Variants in SLC27A4 observed in about 807,000 individuals in gnomAD.
SLC27A4 encodes the protein long-chain fatty acid transport protein 4.
Under a neutral mutation model 64.4 loss-of-function variants are expected in SLC27A4, and 33 were observed. The observed-to-expected ratio is 0.51, with a 90% CI of 0.39 to 0.68. The LOEUF (loss-of-function observed/expected upper bound fraction) is 0.68. SLC27A4 is among the 30% of genes least tolerant of loss of function. SLC27A4 has a pLI of 0.00. For missense variants in SLC27A4, 824 were observed against 883.5 expected (o/e 0.93, Z 0.85); for synonymous variants, 377 against 370.0 (o/e 1.02, Z -0.22).
chr9:128,353,345 C>T lies in SLC27A4; in HGVS notation c.1198-70C>T, dbSNP rs1223227834. ...CGTGAGAGTGTGGGTGCTGGAGTCCCACTTCCCCCTCATTGTCCAGTTTTG... is the reference window on the plus strand; with the variant it reads ...CGTGAGAGTGTGGGTGCTGGAGTCCTACTTCCCCCTCATTGTCCAGTTTTG... On this transcript the variant is annotated intron_variant, in intron 8 of 12. Transcript: ENST00000300456. The surrounding 1 kb of genome is among the most constrained non-coding windows in gnomAD (Gnocchi z 4.9). 4 of 1,612,892 alleles carry T rather than the reference C, an allele frequency of 2.5e-6. No homozygotes were observed. Among genetic ancestry groups the T allele is most frequent in the African/African-American group, 2.7e-5 (2 of 74,888 alleles).
In SLC27A4 at chr9:128,340,577, G is replaced by C. The variant is rs1372068459; in HGVS notation, c.-268G>C. The C allele has an allele frequency of 1.3e-5, 3 of 225,358 alleles. No homozygotes were observed. Among genetic ancestry groups the C allele is most frequent in the Admixed American group, 5.8e-5 (1 of 17,360 alleles). The allele number at this position is 225,358 out of a possible 1,614,324, so 14.0% of individuals were successfully genotyped here. ...GCCGGCTCTGTGGCTTGCCGGCTTCGGGGAAGGTGCGGCAGGCGGTGCTGC... is the reference window on the plus strand; with the variant it reads ...GCCGGCTCTGTGGCTTGCCGGCTTCCGGGAAGGTGCGGCAGGCGGTGCTGC... On this transcript the variant is annotated 5_prime_UTR_variant, in exon 1 of 13. Coordinates refer to ENST00000300456, the MANE Select transcript of SLC27A4 (RefSeq NM_005094.4).
intron 1 of SLC27A4, 136 bp from the exon 2 acceptor site, chr9:128,342,991 A>G: frequency 8.8e-7 from 1 of 1,133,592 alleles, no homozygotes; most frequent in Non-Finnish European, 1.3e-6. Context: ...CCCTGTGGTC[A>G]GTCACCCAAC....
Position 128,340,599 on chromosome 9 carries a change from C to T in SLC27A4, c.-246C>T. The T allele has an allele frequency of 4.0e-6, 1 of 250,332 alleles. No homozygotes were observed. Among genetic ancestry groups the T allele is most frequent in the Non-Finnish European group, 7.4e-6 (1 of 136,034 alleles). 15.5% of individuals were successfully genotyped at this position (250,332 alleles called of 1,614,324 possible). A position where few individuals can be genotyped will look rare whatever the true frequency, so the allele number is the denominator to read the frequency against. On this transcript the variant is annotated 5_prime_UTR_variant, in exon 1 of 13. Transcript: ENST00000300456. ...TTCGGGGAAGGTGCGGCAGGCGGTGCTGCGGCCTGGCACAGCAGGTTTGGG... is the reference window on the plus strand; with the variant it reads ...TTCGGGGAAGGTGCGGCAGGCGGTGTTGCGGCCTGGCACAGCAGGTTTGGG...
chr9:128,353,194 C>T lies in SLC27A4; in HGVS notation c.1157C>T (p.Ala386Val). The change falls in exon 8 of 13, where the codon GCC (alanine) becomes GTC (valine). Residue 386 changes from alanine (A) to valine (V), a missense_variant. Physicochemically the swap from Ala to Val is moderately conservative, Grantham distance 64 (BLOSUM62 0). Transcript: ENST00000300456. The surrounding 1 kb of genome is among the most constrained non-coding windows in gnomAD (Gnocchi z 4.9). Reference sequence around the variant, plus strand: ...CCCCAGGTGGCTGAGTTCTACGGGGCCACAGAGTGCAACTGTAGCCTGGGC... The same window carrying T: ...CCCCAGGTGGCTGAGTTCTACGGGGTCACAGAGTGCAACTGTAGCCTGGGC... ...HIPQVAEFYG[A>V]TECNCSLGNF... 1 of 1,614,140 alleles carries T rather than the reference C, an allele frequency of 6.2e-7. No individual in the cohort carries two copies. Among genetic ancestry groups the T allele is most frequent in the Non-Finnish European group, 8.5e-7 (1 of 1,180,034 alleles).
Position 128,350,560 on chromosome 9 carries a change from C to A in SLC27A4, c.862C>A (p.Leu288Ile). ...CGACATCGTCTATGACTGCCTCCCC[C>A]TCTACCACTCAGCAGGTAACTCTAG... Reference protein sequence around the residue: ...PNDIVYDCLPLYHSAGNIVGI... With the variant: ...PNDIVYDCLPIYHSAGNIVGI... The change falls in exon 6 of 13, where the codon CTC becomes ATC. Residue 288 changes from leucine (L) to isoleucine (I), a missense_variant. Leu to Ile is a conservative substitution (Grantham distance 5, BLOSUM62 2). Transcript: ENST00000300456. The A allele has an allele frequency of 1.2e-6, 2 of 1,612,998 alleles. No homozygotes were observed. Among genetic ancestry groups the A allele is most frequent in the South Asian group, 2.2e-5 (2 of 90,876 alleles).
rs1400883465 is a variant in SLC27A4 at position 128,345,498 on chromosome 9, C to T, written c.505C>T (p.Leu169Phe). Reference sequence around the variant, plus strand: ...GCGGCGGGATGCTCTGCTCCACTGCCTCACCACCTCGCGCGCACGGGCCCT... The same window carrying T: ...GCGGCGGGATGCTCTGCTCCACTGCTTCACCACCTCGCGCGCACGGGCCCT... The part of the protein sequence containing the change: ...NLRRDALLHC[L>F]TTSRARALVF... The change falls in exon 3 of 13, where the codon CTC becomes TTC. Residue 169 changes from leucine to phenylalanine, a missense_variant. By Grantham distance (22) the Leu-to-Phe change is conservative. Coordinates refer to ENST00000300456, the MANE Select transcript of SLC27A4 (RefSeq NM_005094.4). This position sits in a 1 kb window ranked among gnomAD's most constrained non-coding sequence, Gnocchi z 4.1. 6.2e-7 allele frequency: 1 copy of T among 1,611,436 alleles called. No homozygotes were observed. The highest frequency in any genetic ancestry group is 1.7e-5 in the Admixed American group (1 of 59,870).
At chr9:128,340,923 G>A (rs1007131332) in intron 1 of SLC27A4, 85 bp downstream of exon 1, 6 of 494,862 alleles carry the variant, frequency 1.2e-5, no homozygotes, top group African/African-American at 2.0e-5. Context: ...GACCCCAGGT[G>A]GGGGGCGCGC....
intron 7 of SLC27A4, 132 bp downstream of exon 7, chr9:128,352,879 T>TC: frequency 9.4e-7 from 1 of 1,060,628 alleles, no homozygotes; most frequent in Non-Finnish European, 1.4e-6. Context: ...AAAGTTCCCA[T>TC]TGTTCAGATG....
chr9:128,353,076 C>G lies in SLC27A4; in HGVS notation c.1039C>G (p.Arg347Gly). The G allele has an allele frequency of 2.5e-6, 4 of 1,614,100 alleles. No homozygotes were observed. The highest frequency in any genetic ancestry group is 3.4e-6 in the Non-Finnish European group (4 of 1,179,992). ...LCRYLLNQPP[R>G]EAENQHQVRM... ...CCGCTACCTCCTGAACCAGCCACCG[C>G]GGGAGGCAGAAAACCAGCACCAGGT... The change falls in exon 8 of 13, where the codon CGG becomes GGG. Residue 347 changes from arginine (R) to glycine (G), a missense_variant. By Grantham distance (125) the Arg-to-Gly change is moderately radical. Transcript: ENST00000300456. The surrounding 1 kb of genome is among the most constrained non-coding windows in gnomAD (Gnocchi z 4.9).
rs17848330 is a variant in SLC27A4, at chr9:128,350,500, G to T, written c.802G>T (p.Ala268Ser). The change falls in exon 6 of 13, where the codon GCC becomes TCC. Residue 268 changes from alanine to serine, a missense_variant. By Grantham distance (99) the Ala-to-Ser change is moderately conservative. Coordinates refer to ENST00000300456, the MANE Select transcript of SLC27A4 (RefSeq NM_005094.4). ...CCTTCCCAGGTATTACCGCATGGCT[G>T]CCCTGGTGTACTATGGATTCCGCAT... is the stretch of plus-strand genomic sequence containing the variant. ...VVHSRYYRMA[A>S]LVYYGFRMRP... The T allele has an allele frequency of 3.7e-6, 6 of 1,614,050 alleles. No individual in the cohort carries two copies. In the African/African-American group the frequency reaches 6.7e-5, roughly 18 times the overall value.
At chr9:128,357,749 TC>T (rs1360686542) in intron 12 of SLC27A4, among the ~76,000 whole-genome samples, 1 of 152,214 alleles carries the variant, frequency 6.6e-6, no homozygotes, top group African/African-American at 2.4e-5. Flanking sequence ...TTCTGGGCCC[TC>T]CCTGGCTGCT....
rs1357101933 is a variant in SLC27A4, at chr9:128,358,766, T to C, written c.1775-1568T>C. On this transcript the variant is annotated intron_variant, in intron 12 of 12. Coordinates refer to ENST00000300456, the MANE Select transcript of SLC27A4 (RefSeq NM_005094.4). ...CTGGCCTTGTTTAATAATTTAAATG[T>C]AAATAGCCACATGAGGTCATATTGG... 2.0e-5 allele frequency among the ~76,000 whole-genome samples: 3 copies of C among 152,294 alleles called. No homozygotes were observed. The East Asian group carries it at 5.8e-4, about 29-fold the overall frequency.
chr9:128,360,186 G>C lies in SLC27A4; in HGVS notation c.1775-148G>C, dbSNP rs539886651. 1.1e-5 allele frequency: 10 copies of C among 909,632 alleles called. No homozygotes were observed. The East Asian group carries it at 2.5e-4, about 22-fold the overall frequency. 56.3% of individuals were successfully genotyped at this position (909,632 alleles called of 1,614,324 possible). ...CACAGCTGCTGTATGACCATTCTTTGCAAACTGTAAAGGGCTGTGCCTCCT... is the reference window on the plus strand; with the variant it reads ...CACAGCTGCTGTATGACCATTCTTTCCAAACTGTAAAGGGCTGTGCCTCCT... On this transcript the variant is annotated intron_variant, in intron 12 of 12. Transcript: ENST00000300456.
intron 3 of SLC27A4, among the ~76,000 whole-genome samples, chr9:128,346,007 C>T (rs551251140): frequency 4.0e-5 from 6 of 151,674 alleles, no homozygotes; most frequent in Admixed American, 1.3e-4. Flanking sequence ...CTCAAGCAGT[C>T]CCTCCACCTC....
intron 2 of SLC27A4, among the ~76,000 whole-genome samples, chr9:128,343,768 C>T (rs1278741641): frequency 6.6e-6 from 1 of 152,182 alleles, no homozygotes; most frequent in Non-Finnish European, 1.5e-5. Flanking sequence ...CAAGGGACAT[C>T]CTGTACCAGA....
At chr9:128,356,910 G>A (rs1395403638) in intron 12 of SLC27A4, among the ~76,000 whole-genome samples, 1 of 152,112 alleles carries the variant, frequency 6.6e-6, no homozygotes, top group Admixed American at 6.6e-5. Context: ...AGGGCAACAT[G>A]ATGAAACCCC....
intron 4 of SLC27A4, among the ~76,000 whole-genome samples, chr9:128,349,565 G>A (rs1458140523): frequency 1.3e-5 from 2 of 152,156 alleles, no homozygotes; most frequent in Non-Finnish European, 2.9e-5. Flanking sequence ...GGGTGCATTT[G>A]TCAGCTGCTT....
At position 128,353,429 on chromosome 9, in the gene SLC27A4, T is replaced by G. The variant is rs776774693; in HGVS notation, c.1212T>G (p.Gly404=). The G allele has an allele frequency of 3.1e-6, 5 of 1,614,100 alleles. No individual in the cohort carries two copies. The highest frequency in any genetic ancestry group is 4.2e-6 in the Non-Finnish European group (5 of 1,180,020). The part of the protein sequence containing the change: ...GNFDSQVGAC[G]FNSRILSFVY... ...GGCCTTCGCAGGTGGGGGCCTGTGG[T>G]TTCAATAGCCGCATCCTGTCCTTCG... Residue 404 remains glycine (G), a synonymous_variant, in exon 9 of 13, where the codon GGT becomes GGG. Transcript: ENST00000300456. The surrounding 1 kb of genome is among the most constrained non-coding windows in gnomAD (Gnocchi z 4.9).
Position 128,353,356 on chromosome 9 carries a change from CATT to C in SLC27A4, c.1198-58_1198-56del. The stretch of plus-strand genomic sequence containing the variant: ...GGGTGCTGGAGTCCCACTTCCCCCT[CATT>C]GTCCAGTTTTGGGCCCATGGTGAGA... On this transcript the variant is annotated intron_variant, in intron 8 of 12. Coordinates refer to ENST00000300456, the MANE Select transcript of SLC27A4 (RefSeq NM_005094.4). This position sits in a 1 kb window ranked among gnomAD's most constrained non-coding sequence, Gnocchi z 4.9. 2 of 1,613,842 alleles carry C rather than the reference CATT, an allele frequency of 1.2e-6. No individual in the cohort carries two copies. Among genetic ancestry groups the C allele is most frequent in the Non-Finnish European group, 1.7e-6 (2 of 1,179,844 alleles).
Sources: allele counts gnomAD v4.1 joint callset (sites outside exome capture counted in the v4.1 genomes callset), GRCh38; gene constraint gnomAD v4.1.1; non-coding constraint Gnocchi (gnomAD v3.1); transcripts MANE v1.5; gene names NCBI Gene and HGNC (gene_info 2026-07-23, HGNC 2026-07-21).